MAGI1: variants seen among roughly 807,000 people sequenced by gnomAD.
The protein encoded by MAGI1 is membrane-associated guanylate kinase, WW and PDZ domain-containing protein 1.
A neutral mutation model predicts 139.9 loss-of-function variants in MAGI1; 58 were observed. The ratio of observed to expected loss-of-function variants is 0.41; its 90% CI spans 0.34 to 0.52. The LOEUF is 0.52. Ranked by LOEUF, MAGI1 falls within the 20% of genes least tolerant of loss-of-function variation. MAGI1 has a pLI of 0.12. For missense variants in MAGI1, 1,874 were observed against 1,901.6 expected, an observed-to-expected ratio of 0.99 and a Z score of 0.27; for synonymous variants, 812 against 737.9, an observed-to-expected ratio of 1.10 and a Z score of -1.63.
chr3:66,017,295 T>A (rs1045270627), intron 1 of MAGI1, among the ~76,000 whole-genome samples: 1 of 152,190 alleles, frequency 6.6e-6, no homozygotes, highest in Non-Finnish European at 1.5e-5. Context: ...CGGCTGCAGA[T>A]GGAAAAACCG....
At chr3:65,975,655 A>AAAAAT (rs1036061872) in intron 1 of MAGI1, among the ~76,000 whole-genome samples, 1 of 152,096 alleles carries the variant, frequency 6.6e-6, no homozygotes, top group Non-Finnish European at 1.5e-5. Flanking sequence ...GATAAAAATT[A>AAAAAT]AAAATAAAAT....
chr3:65,637,426 T>C (rs902129299), intron 1 of MAGI1, among the ~76,000 whole-genome samples: 7 of 151,840 alleles, frequency 4.6e-5, no homozygotes, highest in Non-Finnish European at 1.0e-4. Context: ...TGGTGGTGCA[T>C]GCCTGTAGTC....
chr3:65,782,223 A>G (rs2038989731), intron 1 of MAGI1, among the ~76,000 whole-genome samples: 1 of 152,224 alleles, frequency 6.6e-6, no homozygotes, highest in Admixed American at 6.5e-5. Context: ...TGACCTTTAA[A>G]TAGGATTATC....
At chr3:65,621,928 C>T (rs1289044279) in intron 2 of MAGI1, 44 bp downstream of exon 2, 2 of 1,396,574 alleles carry the variant, frequency 1.4e-6, no homozygotes, top group African/African-American at 2.9e-5. Context: ...CACACACACA[C>T]ACACACACAC....
intron 1 of MAGI1, among the ~76,000 whole-genome samples, chr3:65,926,327 T>TTCTCTCTCTCTCTCTTTC (rs2062504399): frequency 8.7e-6 from 1 of 115,592 alleles, no homozygotes; most frequent in East Asian, 2.9e-4. Flanking sequence ...AAGTCTTCTT[T>TTCTCTCTCTCTCTCTTTC]TCTCTCTCTC....
At chr3:65,606,536 G>T (rs1471248753) in intron 2 of MAGI1, among the ~76,000 whole-genome samples, 4 of 151,654 alleles carry the variant, frequency 2.6e-5, no homozygotes, top group African/African-American at 9.7e-5. Flanking sequence ...GTTTATTTTT[G>T]AGATCGAATC....
intron 2 of MAGI1, among the ~76,000 whole-genome samples, chr3:65,578,871 A>C (rs549201694): frequency 1.4e-4 from 21 of 152,040 alleles, no homozygotes; most frequent in African/African-American, 4.8e-4. Flanking sequence ...CCACAAGGTG[A>C]GATCGCGCCA....
chr3:65,714,677 A>G (rs970225995), intron 1 of MAGI1, among the ~76,000 whole-genome samples: 8 of 152,126 alleles, frequency 5.3e-5, no homozygotes, highest in African/African-American at 1.9e-4. Context: ...GTCTCTTAAG[A>G]ATCATCAGTG....
chr3:65,521,816 T>C (rs1448600911), intron 2 of MAGI1, among the ~76,000 whole-genome samples: 14 of 152,334 alleles, frequency 9.2e-5, no homozygotes, highest in Non-Finnish European at 7.4e-5. Flanking sequence ...ACAAAGAAGC[T>C]ACCATTTCTC....
intron 1 of MAGI1, among the ~76,000 whole-genome samples, chr3:65,675,468 G>A (rs906426756): frequency 1.3e-5 from 2 of 152,036 alleles, no homozygotes; most frequent in Admixed American, 1.3e-4. Context: ...GTACATTACA[G>A]AACACAGAAA....
At chr3:65,371,667 G>T (rs1235069151) in intron 18 of MAGI1, among the ~76,000 whole-genome samples, 2 of 152,094 alleles carry the variant, frequency 1.3e-5, no homozygotes, top group Non-Finnish European at 2.9e-5. Flanking sequence ...TTTGAAATTG[G>T]AGTCAATCCT....
chr3:65,725,323 A>G (rs2033482188), intron 1 of MAGI1, among the ~76,000 whole-genome samples: 1 of 152,136 alleles, frequency 6.6e-6, no homozygotes, highest in South Asian at 2.1e-4. Context: ...CATCTGAAAA[A>G]CAGGGAGAGT....
At chr3:65,955,107 A>T (rs560713081) in intron 1 of MAGI1, among the ~76,000 whole-genome samples, 109 of 152,324 alleles carry the variant, frequency 7.2e-4, no homozygotes, top group African/African-American at 2.6e-3. Context: ...AAAGAGAGAG[A>T]CAGAGACAGA....
At chr3:65,473,645 A>AAAT (rs1950693404) in intron 4 of MAGI1, among the ~76,000 whole-genome samples, 1 of 151,084 alleles carries the variant, frequency 6.6e-6, no homozygotes, top group African/African-American at 2.4e-5. Flanking sequence ...TTTACAAAAA[A>AAAT]AAAAAAAAAA....
chr3:65,980,088 A>T (rs2107263384), intron 1 of MAGI1, among the ~76,000 whole-genome samples: 1 of 152,304 alleles, frequency 6.6e-6, no homozygotes, highest in East Asian at 1.9e-4. Flanking sequence ...GGGATTAATT[A>T]TACAAGCAAA....
intron 18 of MAGI1, among the ~76,000 whole-genome samples, chr3:65,372,322 T>C (rs1029323510): frequency 3.3e-5 from 5 of 152,178 alleles, no homozygotes; most frequent in African/African-American, 9.6e-5. Context: ...GCAGTAATAT[T>C]TGAAAGAAAT....
intron 1 of MAGI1, among the ~76,000 whole-genome samples, chr3:65,944,237 T>C (rs1482705817): frequency 2.0e-5 from 3 of 152,120 alleles, no homozygotes; most frequent in Non-Finnish European, 2.9e-5. Context: ...AGTGCTCAGC[T>C]AGGTGCAATG....
intron 1 of MAGI1, among the ~76,000 whole-genome samples, chr3:66,021,188 GT>G (rs2067941049): frequency 6.6e-6 from 1 of 152,152 alleles, no homozygotes; most frequent in South Asian, 2.1e-4. Context: ...GTAAAATTCA[GT>G]TCCTCAGCCA....
At chr3:66,002,986 C>T (rs2066827444) in intron 1 of MAGI1, among the ~76,000 whole-genome samples, 1 of 152,142 alleles carries the variant, frequency 6.6e-6, no homozygotes, top group African/African-American at 2.4e-5. Flanking sequence ...TTAACAACAA[C>T]CACTACATAC....
Sources: gnomAD v4.1 joint callset for allele counts (sites outside exome capture counted in the v4.1 genomes callset) on GRCh38, gnomAD v4.1.1 for gene constraint, MANE v1.5 for transcripts, NCBI Gene and HGNC (gene_info 2026-07-23, HGNC 2026-07-21) for gene names.